Variants in SLC5A4 observed in about 807,000 individuals in gnomAD.
The protein encoded by SLC5A4 is solute carrier family 5 member 4.
SLC5A4 carries 55 observed loss-of-function variants against 70.3 expected under a neutral mutation model. The observed-to-expected ratio is 0.78, with a 90% CI of 0.63 to 0.98. The LOEUF is 0.98. Among genes scored for constraint, SLC5A4 ranks in the 50% least tolerant of loss-of-function variants. The pLI is 0.00. For synonymous variants in SLC5A4, 268 were observed against 305.7 expected (o/e 0.88, Z 1.29); for missense variants, 735 against 839.2 (o/e 0.88, Z 1.53).
the SLC5A4 span, among the ~76,000 whole-genome samples, chr22:32,277,634 G>A: frequency 6.6e-6 from 1 of 152,016 alleles, no homozygotes; most frequent in African/African-American, 2.4e-5. Context: ...TACAACCTCC[G>A]CTTCCCGGGT....
In SLC5A4 at chr22:32,225,827, A is replaced by C; in HGVS notation, c.1281-4T>G. ...AGTTAATAGAAGAACAAATATCCTG[A>C]GAAGAAAACAACATAATTTAAACAT... On this transcript the variant is annotated splice_polypyrimidine_tract_variant and splice_region_variant and intron_variant, in intron 11 of 14. Transcript: ENST00000266086. 6.3e-7 allele frequency: 1 copy of C among 1,587,706 alleles called. No individual in the cohort carries two copies. Among genetic ancestry groups the C allele is most frequent in the Non-Finnish European group, 8.6e-7 (1 of 1,165,644 alleles).
chr22:32,307,359 C>T, the SLC5A4 span, among the ~76,000 whole-genome samples: 1 of 152,172 alleles, frequency 6.6e-6, no homozygotes, highest in Admixed American at 6.5e-5. Flanking sequence ...AGCAATGACA[C>T]CTCCAAGGTC....
In SLC5A4 at chr22:32,247,458, A is replaced by G. The variant is rs1413833876; in HGVS notation, c.430T>C (p.Tyr144His). 1 of 1,613,814 alleles carries G rather than the reference A, an allele frequency of 6.2e-7. No individual in the cohort carries two copies. The highest frequency in any genetic ancestry group is 8.5e-7 in the Non-Finnish European group (1 of 1,179,788). Residue 144 changes from tyrosine to histidine, a missense_variant, in exon 5 of 15, where the codon TAC becomes CAC. Transcript: ENST00000266086. ...KRFGGERLQV[Y>H]LSILSLFICV... ...ATGAAGAGGGAGAGGATGGAGAGGT[A>G]GACCTGGAGTCGCTCCCCACCAAAC...
the SLC5A4 span, among the ~76,000 whole-genome samples, chr22:32,345,679 C>T: frequency 6.6e-6 from 1 of 152,094 alleles, no homozygotes; most frequent in African/African-American, 2.4e-5. Flanking sequence ...CTCTCTATTG[C>T]ATAATGAGAG....
chr22:32,334,302 C>G, the SLC5A4 span, among the ~76,000 whole-genome samples: 5 of 152,140 alleles, frequency 3.3e-5, no homozygotes, highest in Admixed American at 3.3e-4. Flanking sequence ...AATGCACGAC[C>G]CTGTGCCCAG....
At chr22:32,304,589 A>ATGGTTGAGTTTTAAGAATTCTTTGTATAT in the SLC5A4 span, among the ~76,000 whole-genome samples, 2 of 152,052 alleles carry the variant, frequency 1.3e-5, no homozygotes, top group Non-Finnish European at 2.9e-5. Flanking sequence ...CTGTTTTCTT[A>ATGGTTGAGTTTTAAGAATTCTTTGTATAT]TGGTTGAGTT....
the SLC5A4 span, among the ~76,000 whole-genome samples, chr22:32,351,539 T>C: frequency 6.6e-6 from 1 of 151,154 alleles, no homozygotes; most frequent in Non-Finnish European, 1.5e-5. Context: ...CCATCTCTAC[T>C]AAAAATACAA....
chr22:32,352,323 C>T, the SLC5A4 span, among the ~76,000 whole-genome samples: 16 of 150,590 alleles, frequency 1.1e-4, no homozygotes, highest in Non-Finnish European at 1.9e-4. Flanking sequence ...ATGCAAATGA[C>T]GAGTTAATGG....
chr22:32,247,302 A>G, intron 5 of SLC5A4, 109 bp downstream of exon 5: 2 of 700,158 alleles, frequency 2.9e-6, no homozygotes, highest in South Asian at 3.3e-5. Context: ...CATATCCTTG[A>G]CCCTTTAAAG....
the SLC5A4 span, among the ~76,000 whole-genome samples, chr22:32,300,870 C>T: frequency 0.076 from 11,590 of 152,188 alleles, 625 homozygotes; most frequent in Admixed American, 0.16. Flanking sequence ...TTGCCATAAA[C>T]ATTATTTACA....
chr22:32,220,278 GA>G (rs1330658113), intron 14 of SLC5A4, among the ~76,000 whole-genome samples: 1 of 152,136 alleles, frequency 6.6e-6, no homozygotes, highest in African/African-American at 2.4e-5. Flanking sequence ...AAAAGGAACA[GA>G]AAGCACTGAC....
At chr22:32,249,840 A>G (rs1927038714) in intron 3 of SLC5A4, among the ~76,000 whole-genome samples, 1 of 152,246 alleles carries the variant, frequency 6.6e-6, no homozygotes, top group Non-Finnish European at 1.5e-5. Flanking sequence ...CCTGTGGCCC[A>G]AGCTGGCTTT....
At chr22:32,352,601 A>G in the SLC5A4 span, among the ~76,000 whole-genome samples, 3 of 152,058 alleles carry the variant, frequency 2.0e-5, no homozygotes, top group African/African-American at 7.2e-5. Context: ...CTGCACCTCC[A>G]CCGCTGTCAC....
chr22:32,331,252 G>T, the SLC5A4 span, among the ~76,000 whole-genome samples: 1 of 151,798 alleles, frequency 6.6e-6, no homozygotes, highest in African/African-American at 2.4e-5. Flanking sequence ...GGGCACCAAG[G>T]CACATTGTAG....
chr22:32,333,203 C>CA, the SLC5A4 span, among the ~76,000 whole-genome samples: 2 of 149,002 alleles, frequency 1.3e-5, no homozygotes, highest in African/African-American at 2.5e-5. Flanking sequence ...GGCACCCCCC[C>CA]CCCAGAAGAC....
the SLC5A4 span, among the ~76,000 whole-genome samples, chr22:32,326,049 G>A: frequency 6.6e-6 from 1 of 152,220 alleles, no homozygotes; most frequent in Non-Finnish European, 1.5e-5. Flanking sequence ...AAGTGGGAAG[G>A]TAACAGAGCA....
intron 5 of SLC5A4, among the ~76,000 whole-genome samples, chr22:32,241,487 G>GT (rs935067417): frequency 1.3e-4 from 20 of 151,964 alleles, no homozygotes; most frequent in East Asian, 7.7e-4. Flanking sequence ...TTCATAGTTT[G>GT]TTTTTTTTGT....
At chr22:32,278,081 C>T in the SLC5A4 span, among the ~76,000 whole-genome samples, 1 of 152,176 alleles carries the variant, frequency 6.6e-6, no homozygotes, top group Non-Finnish European at 1.5e-5. Context: ...ACTACAAGAA[C>T]TCCCTGGGTC....
the SLC5A4 span, among the ~76,000 whole-genome samples, chr22:32,322,602 T>A: frequency 6.7e-6 from 1 of 149,266 alleles, no homozygotes; most frequent in African/African-American, 2.5e-5. Context: ...AAAAAAATTA[T>A]TGGAAAAAAA....
Sources: gnomAD v4.1 joint callset for allele counts (sites outside exome capture counted in the v4.1 genomes callset) on GRCh38, gnomAD v4.1.1 for gene constraint, MANE v1.5 for transcripts, NCBI Gene and HGNC (gene_info 2026-07-23, HGNC 2026-07-21) for gene names.